ZNF536: variants seen among roughly 807,000 people sequenced by gnomAD.
The protein encoded by ZNF536 is zinc finger protein 536.
Under a neutral mutation model 84.5 loss-of-function variants are expected in ZNF536, and 13 were observed. That is an observed-to-expected ratio of 0.15 (90% CI 0.10 to 0.24). The LOEUF (loss-of-function observed/expected upper bound fraction) is 0.24. Among genes scored for constraint, ZNF536 ranks in the 10% least tolerant of loss-of-function variants. The pLI is 1.00. For synonymous variants in ZNF536, 811 were observed against 742.5 expected, an observed-to-expected ratio of 1.09 and a Z score of -1.50; for missense variants, 1,536 against 1,747.5, an observed-to-expected ratio of 0.88 and a Z score of 2.16.
At chr19:30,325,468 G>A (rs2046993692) in intron 2 of ZNF536, among the ~76,000 whole-genome samples, 1 of 152,172 alleles carries the variant, frequency 6.6e-6, no homozygotes, top group African/African-American at 2.4e-5. Flanking sequence ...GGAAAATGGG[G>A]TGCTCACATG....
rs138494677 is a variant in ZNF536 at position 30,463,709 on chromosome 19, G to A, written c.2170+17977G>A. ...CAACTGGGATTTAGTCCTTCCCACC[G>A]CTCTTCCTGTAAGAACCTAAATTTA... On this transcript the variant is annotated intron_variant, in intron 2 of 4. Coordinates refer to ENST00000355537, the MANE Select transcript of ZNF536 (RefSeq NM_014717.3). 7.8e-3 allele frequency among the ~76,000 whole-genome samples: 1,182 copies of A among 152,288 alleles called. 10 individuals are homozygous for A. Among genetic ancestry groups the A allele is most frequent in the Middle Eastern group, 0.024 (7 of 294 alleles).
chr19:30,647,358 C>T (rs892234562), intron 1 of ZNF536, among the ~76,000 whole-genome samples: 2 of 152,102 alleles, frequency 1.3e-5, no homozygotes, highest in African/African-American at 4.8e-5. Context: ...CTCCCGTTTC[C>T]CTGGGTGTTT....
At chr19:30,581,637 G>A (rs1416342329) in intron 1 of ZNF536, among the ~76,000 whole-genome samples, 1 of 152,090 alleles carries the variant, frequency 6.6e-6, no homozygotes, top group Non-Finnish European at 1.5e-5. Flanking sequence ...CTGGAAGCAG[G>A]ACAGTAAAGA....
chr19:30,310,252 GT>G (rs755473569), intron 2 of ZNF536, among the ~76,000 whole-genome samples: 56 of 152,280 alleles, frequency 3.7e-4, no homozygotes, highest in Middle Eastern at 6.8e-3. Flanking sequence ...TCATTATAAA[GT>G]TTCTTTGACC....
intron 1 of ZNF536, among the ~76,000 whole-genome samples, chr19:30,275,093 G>C (rs2026055929): frequency 1.3e-5 from 2 of 152,156 alleles, no homozygotes; most frequent in African/African-American, 2.4e-5. Context: ...GATGGGGTGA[G>C]AGATCCAGGG....
intron 1 of ZNF536, among the ~76,000 whole-genome samples, chr19:30,640,850 C>A (rs545510915): frequency 1.3e-5 from 2 of 152,358 alleles, no homozygotes; most frequent in South Asian, 4.1e-4. Context: ...CTCGTGTCAG[C>A]AGCAGAATGC....
At position 30,548,127 on chromosome 19, in the gene ZNF536, C is replaced by A. The variant is rs762134093; in HGVS notation, c.2508C>A (p.Asp836Glu). Residue 836 changes from aspartate (D) to glutamate (E), a missense_variant, in exon 4 of 5, where the codon GAC becomes GAA. Around this residue, in one of 8 missense-constraint regions of ZNF536, gnomAD observed 624 missense variants for 603.1 expected, o/e 1.03. Coordinates refer to ENST00000355537, the MANE Select transcript of ZNF536 (RefSeq NM_014717.3). The stretch of plus-strand genomic sequence containing the variant: ...AAGCTTCTCTGTTCATCAGGCCAGA[C>A]ATCCTGAGGGGGGCCTTCAAGGGTC... Reference protein sequence around the residue: ...SSKASLFIRPDILRGAFKGLP... With the variant: ...SSKASLFIRPEILRGAFKGLP... 6.2e-7 allele frequency: 1 copy of A among 1,613,968 alleles called. No individual in the cohort carries two copies. Among genetic ancestry groups the A allele is most frequent in the African/African-American group, 1.3e-5 (1 of 74,942 alleles).
At chr19:30,421,641 G>T (rs2050962830) in intron 1 of ZNF536, among the ~76,000 whole-genome samples, 1 of 152,202 alleles carries the variant, frequency 6.6e-6, no homozygotes, top group African/African-American at 2.4e-5. Flanking sequence ...GGGATTTCGG[G>T]CGTGAGCCAC....
chr19:30,367,385 A>G (rs1045096603), upstream of ZNF536, among the ~76,000 whole-genome samples: 1 of 152,254 alleles, frequency 6.6e-6, no homozygotes, highest in African/African-American at 2.4e-5. Flanking sequence ...CTAATTACAC[A>G]TCATCTGACT....
rs2054846195 is a variant in ZNF536, at chr19:30,499,162, C to T, written c.2171-35685C>T. ...AAGACCACCTCTTTTTCCAGAAGAG[C>T]TCATTTCCAATAATATAATCACAAT... On this transcript the variant is annotated intron_variant, in intron 2 of 4. Transcript: ENST00000355537. 2.6e-5 allele frequency among the ~76,000 whole-genome samples: 4 copies of T among 151,872 alleles called. 2 individuals are homozygous for T. The South Asian group carries it at 8.3e-4, about 31-fold the overall frequency.
At chr19:30,615,854 GTA>G (rs1299641314) in intron 1 of ZNF536, among the ~76,000 whole-genome samples, 3 of 151,748 alleles carry the variant, frequency 2.0e-5, no homozygotes, top group Non-Finnish European at 4.4e-5. Flanking sequence ...TTATTTCTGG[GTA>G]TATTCTCTTC....
exon 2 of ZNF536, chr19:30,711,065 G>A (rs1055185162): frequency 1.3e-5 from 2 of 151,998 alleles, no homozygotes; most frequent in Non-Finnish European, 2.9e-5. Flanking sequence ...TCTGGTAAAA[G>A]TTTGCTAACT....
chr19:30,623,323 G>A (rs2048559425), intron 1 of ZNF536, among the ~76,000 whole-genome samples: 1 of 152,190 alleles, frequency 6.6e-6, no homozygotes, highest in African/African-American at 2.4e-5. Context: ...ACTATTTTCA[G>A]CACAGTGGTC....
intron 1 of ZNF536, among the ~76,000 whole-genome samples, chr19:30,585,520 T>C (rs544212588): frequency 3.3e-5 from 5 of 152,308 alleles, no homozygotes; most frequent in East Asian, 1.9e-4. Context: ...AAAGGGTTAA[T>C]AGATCTTGGG....
intron 1 of ZNF536, among the ~76,000 whole-genome samples, chr19:30,646,930 A>G (rs2049495296): frequency 6.6e-6 from 1 of 151,988 alleles, no homozygotes; most frequent in African/African-American, 2.4e-5. Context: ...TTTTTATCCT[A>G]ATCTCTTCAT....
intron 1 of ZNF536, among the ~76,000 whole-genome samples, chr19:30,243,574 A>G (rs761125836): frequency 2.0e-5 from 3 of 152,250 alleles, no homozygotes; most frequent in Non-Finnish European, 4.4e-5. Context: ...ATAGCAAGTA[A>G]TGTAATAAAA....
intron 1 of ZNF536, among the ~76,000 whole-genome samples, chr19:30,401,091 C>T (rs1193602525): frequency 2.0e-5 from 3 of 152,054 alleles, no homozygotes; most frequent in African/African-American, 7.2e-5. Flanking sequence ...TTATAGATAT[C>T]CAGTTGTTCT....
intron 1 of ZNF536, among the ~76,000 whole-genome samples, chr19:30,630,712 G>A (rs1410029374): frequency 7.2e-5 from 11 of 152,188 alleles, no homozygotes; most frequent in Non-Finnish European, 1.5e-4. Context: ...CCCAGGCTCA[G>A]TCTGGGTCAC....
At chr19:30,409,309 G>A (rs1017263641) in intron 1 of ZNF536, among the ~76,000 whole-genome samples, 3 of 152,186 alleles carry the variant, frequency 2.0e-5, no homozygotes, top group East Asian at 1.9e-4. Flanking sequence ...CCAATAGTCT[G>A]CAGCAGGCCT....
Sources: allele counts gnomAD v4.1 joint callset (sites outside exome capture counted in the v4.1 genomes callset), GRCh38; gene constraint gnomAD v4.1.1; regional missense constraint gnomAD v4.1.1; transcripts MANE v1.5; gene names NCBI Gene and HGNC (gene_info 2026-07-23, HGNC 2026-07-21).